Variants in MTERF3 observed in about 807,000 individuals in gnomAD.
MTERF3 encodes the protein transcription termination factor 3, mitochondrial.
MTERF3 carries 40 observed loss-of-function variants against 40.5 expected under a neutral mutation model. The observed-to-expected ratio is 0.99, with a 90% CI of 0.77 to 1.29. The LOEUF is 1.29. Among genes scored for constraint, MTERF3 ranks in the 50% most tolerant of loss-of-function variants. The probability of loss-of-function intolerance (pLI) is 0.00; values close to 1 mark genes in which losing one functional copy is unlikely to be tolerated. For missense variants in MTERF3, 452 were observed against 478.2 expected (o/e 0.95, Z 0.51); for synonymous variants, 158 against 166.6 (o/e 0.95, Z 0.40).
intron 6 of MTERF3, among the ~76,000 whole-genome samples, 175 bp downstream of exon 6, chr8:96,245,685 C>T (rs1810007402): frequency 6.6e-6 from 1 of 152,334 alleles, no homozygotes; most frequent in Non-Finnish European, 1.5e-5. Context: ...AAAATATTAA[C>T]TGAAACAAAC....
intron 7 of MTERF3, among the ~76,000 whole-genome samples, chr8:96,242,764 A>G (rs1809952322): frequency 1.3e-5 from 2 of 152,162 alleles, no homozygotes; most frequent in African/African-American, 4.8e-5. Context: ...AAGCAATTCT[A>G]TTTTTAAACC....
chr8:96,243,874 A>C, intron 7 of MTERF3, 45 bp downstream of exon 7: 1 of 1,589,984 alleles, frequency 6.3e-7, no homozygotes. Flanking sequence ...GCTCCAAATG[A>C]AGCGCAATGG....
chr8:96,250,655 AGAAGAAG>A (rs1563548865), intron 4 of MTERF3, among the ~76,000 whole-genome samples: 3 of 37,804 alleles, frequency 7.9e-5, no homozygotes, highest in African/African-American at 3.4e-4. Context: ...AAGAAGAAGA[AGAAGAAG>A]AAGAAGAAGA....
chr8:96,244,424 G>A (rs544744330), intron 6 of MTERF3, among the ~76,000 whole-genome samples: 4 of 147,564 alleles, frequency 2.7e-5, no homozygotes, highest in Admixed American at 1.4e-4. Flanking sequence ...TTTTTGAGAC[G>A]GAGTCTCGCT....
chr8:96,245,961 T>G, intron 5 of MTERF3, 30 bp from the exon 6 acceptor site: 1 of 1,585,822 alleles, frequency 6.3e-7, no homozygotes, highest in Non-Finnish European at 8.6e-7. Flanking sequence ...AATCTAGTAT[T>G]ACTATACGTG....
At chr8:96,249,211 C>T (rs1470078236) in intron 4 of MTERF3, among the ~76,000 whole-genome samples, 1 of 152,206 alleles carries the variant, frequency 6.6e-6, no homozygotes. Context: ...GCTACTTATA[C>T]TAACGGTGTG....
At chr8:96,249,596 C>T (rs1810086103) in intron 4 of MTERF3, among the ~76,000 whole-genome samples, 1 of 151,880 alleles carries the variant, frequency 6.6e-6, no homozygotes, top group African/African-American at 2.4e-5. Flanking sequence ...GTTTTTTTTC[C>T]TAATTCCGAG....
At chr8:96,247,828 T>C (rs1195542870) in intron 4 of MTERF3, among the ~76,000 whole-genome samples, 1 of 152,092 alleles carries the variant, frequency 6.6e-6, no homozygotes, top group Non-Finnish European at 1.5e-5. Context: ...AGGAAAAATA[T>C]CTGCAACATG....
At chr8:96,249,729 T>G (rs1810089126) in intron 4 of MTERF3, among the ~76,000 whole-genome samples, 1 of 152,184 alleles carries the variant, frequency 6.6e-6, no homozygotes, top group African/African-American at 2.4e-5. Flanking sequence ...AGGAGACCAT[T>G]GCAGTAATCT....
intron 1 of MTERF3, among the ~76,000 whole-genome samples, chr8:96,260,695 A>G (rs187005874): frequency 1.9e-4 from 29 of 152,346 alleles, no homozygotes; most frequent in Admixed American, 3.9e-4. Context: ...CTTTGTGCAT[A>G]CAACTAATGT....
At chr8:96,253,524 C>T (rs978332962) in intron 3 of MTERF3, among the ~76,000 whole-genome samples, 6 of 152,048 alleles carry the variant, frequency 3.9e-5, no homozygotes, top group Non-Finnish European at 8.8e-5. Flanking sequence ...GAAAACAGGT[C>T]TCAGAAGCAA....
chr8:96,258,317 A>G (rs1243700919), intron 2 of MTERF3, 40 bp downstream of exon 2: 8 of 1,543,960 alleles, frequency 5.2e-6, no homozygotes, highest in Non-Finnish European at 7.0e-6. Flanking sequence ...CAAATGGCCA[A>G]AGTAGGGAAA....
chr8:96,252,703 C>G (rs919364873), intron 3 of MTERF3, among the ~76,000 whole-genome samples: 8 of 152,174 alleles, frequency 5.3e-5, no homozygotes, highest in African/African-American at 1.7e-4. Flanking sequence ...TTCCAAAAAT[C>G]TGTGATAAAT....
intron 7 of MTERF3, among the ~76,000 whole-genome samples, chr8:96,240,933 T>C (rs1025277265): frequency 6.6e-6 from 1 of 152,192 alleles, no homozygotes; most frequent in African/African-American, 2.4e-5. Context: ...GCACAGGGTG[T>C]ACCTCAACAT....
At chr8:96,250,697 G>GGAGGA (rs1563549208) in intron 4 of MTERF3, among the ~76,000 whole-genome samples, 1 of 26,528 alleles carries the variant, frequency 3.8e-5, no homozygotes, top group African/African-American at 1.5e-4. Context: ...GAGGAGGAGG[G>GGAGGA]GGGGAGGGGG....
In MTERF3 at chr8:96,239,690, A is replaced by G. The variant is rs768766110; in HGVS notation, c.1060-5T>C. 14 of 1,566,306 alleles carry G rather than the reference A, an allele frequency of 8.9e-6. No individual in the cohort carries two copies. The African/African-American group carries it at 1.5e-4, about 17-fold the overall frequency. ...AAACAGCCTTGTATTAAATACCTAGAAAAGAAAAAAAAGTTTTTAAAAAAC... is the reference window on the plus strand; with the variant it reads ...AAACAGCCTTGTATTAAATACCTAGGAAAGAAAAAAAAGTTTTTAAAAAAC... On this transcript the variant is annotated splice_polypyrimidine_tract_variant and splice_region_variant and intron_variant, in intron 7 of 7. Coordinates refer to ENST00000287025, the MANE Select transcript of MTERF3 (RefSeq NM_015942.5).
At chr8:96,250,511 G>T (rs1423433946) in intron 4 of MTERF3, among the ~76,000 whole-genome samples, 1 of 144,006 alleles carries the variant, frequency 6.9e-6, no homozygotes, top group Admixed American at 6.9e-5. Flanking sequence ...AGGAGTTCGA[G>T]AACAGCCTGG....
At chr8:96,243,465 ATCAC>A (rs879905782) in intron 7 of MTERF3, among the ~76,000 whole-genome samples, 10 of 152,258 alleles carry the variant, frequency 6.6e-5, no homozygotes, top group Admixed American at 1.3e-4. Context: ...AGCAGATAAT[ATCAC>A]TCACTAGGTA....
chr8:96,250,354 C>T (rs1218334432), intron 4 of MTERF3, among the ~76,000 whole-genome samples: 3 of 141,432 alleles, frequency 2.1e-5, no homozygotes, highest in African/African-American at 5.1e-5. Context: ...AAGAAAAAAA[C>T]GTATTCCAGT....
Sources: allele counts gnomAD v4.1 joint callset (sites outside exome capture counted in the v4.1 genomes callset), GRCh38; gene constraint gnomAD v4.1.1; transcripts MANE v1.5; gene names NCBI Gene and HGNC (gene_info 2026-07-23, HGNC 2026-07-21).